Variants in RIPK2 observed in about 807,000 individuals in gnomAD.
RIPK2 encodes the protein receptor-interacting serine/threonine-protein kinase 2.
RIPK2 carries 38 observed loss-of-function variants against 60.9 expected under a neutral mutation model. The ratio of observed to expected loss-of-function variants is 0.62; its 90% CI spans 0.48 to 0.82. RIPK2 has a LOEUF of 0.82. Ranked by LOEUF, RIPK2 falls within the 40% of genes least tolerant of loss-of-function variation. RIPK2 has a pLI of 0.00. For missense variants in RIPK2, 518 were observed against 647.0 expected (o/e 0.80, Z 2.16); for synonymous variants, 225 against 223.4 (o/e 1.01, Z -0.06).
chr8:89,789,625 C>T lies in RIPK2; in HGVS notation c.1285+143C>T, dbSNP rs547606070. 1.1e-4 allele frequency: 80 copies of T among 747,444 alleles called. 1 individual carries two copies. The East Asian group carries it at 2.2e-3, about 20-fold the overall frequency. 46.3% of individuals were successfully genotyped at this position (747,444 alleles called of 1,614,324 possible). A position where few individuals can be genotyped will look rare whatever the true frequency, so the allele number is the denominator to read the frequency against. On this transcript the variant is annotated intron_variant, in intron 10 of 10. Transcript: ENST00000220751. The stretch of plus-strand genomic sequence containing the variant: ...CCTTCTTAAGTAGGAAAACAAATCC[C>T]AGGAGATGGGAATGATGACATGGCC...
At position 89,773,478 on chromosome 8, in the gene RIPK2, A is replaced by C. The variant is rs144522304; in HGVS notation, c.853+650A>C. Among the ~76,000 whole-genome samples the C allele has an allele frequency of 7.2e-5, 11 of 152,324 alleles. No individual in the cohort carries two copies. The East Asian group carries it at 2.1e-3, about 29-fold the overall frequency. ...AATACAGTGAGCAAGGAAAGGAATT[A>C]GATGATATTGGAGAGTTAAGAGAGA... On this transcript the variant is annotated intron_variant, in intron 6 of 10. Transcript: ENST00000220751.
In RIPK2 at chr8:89,758,207, G is replaced by A. The variant is rs1809082741; in HGVS notation, c.147G>A (p.Leu49=). Residue 49 remains leucine (L), a synonymous_variant, in exon 1 of 11, where the codon CTG becomes CTA. Coordinates refer to ENST00000220751, the MANE Select transcript of RIPK2 (RefSeq NM_003821.6). ...GCGTCCAGGTGGCCGTGAAGCACCT[G>A]CACATCCACACTCCGCTGCTCGACA... is the stretch of plus-strand genomic sequence containing the variant. ...DWRVQVAVKH[L]HIHTPLLDSE... is the part of the protein sequence containing the mutation. The A allele has an allele frequency of 3.1e-6, 5 of 1,609,494 alleles. No homozygotes were observed. The highest frequency in any genetic ancestry group is 1.1e-5 in the South Asian group (1 of 90,442).
chr8:89,768,068 A>G (rs1809256875), intron 3 of RIPK2, among the ~76,000 whole-genome samples: 1 of 151,656 alleles, frequency 6.6e-6, no homozygotes, highest in African/African-American at 2.4e-5. Context: ...GGCCCTAAAT[A>G]CTTAATAGTT....
chr8:89,790,036 C>T (rs1563620756), intron 10 of RIPK2, 43 bp from the exon 11 acceptor site: 3 of 1,375,488 alleles, frequency 2.2e-6, no homozygotes, highest in Non-Finnish European at 3.0e-6. Flanking sequence ...TGCTATGTAT[C>T]TGTCCTCACC....
chr8:89,770,174 A>T (rs2130556850), intron 4 of RIPK2, among the ~76,000 whole-genome samples: 1 of 152,004 alleles, frequency 6.6e-6, no homozygotes, highest in South Asian at 2.1e-4. Flanking sequence ...ATCAATTTAT[A>T]ATATAATAGT....
intron 1 of RIPK2, among the ~76,000 whole-genome samples, chr8:89,760,437 G>A (rs39500): frequency 0.66 from 99,996 of 152,052 alleles, 34,676 homozygotes; most frequent in African/African-American, 0.89. Context: ...ATGTGACTAT[G>A]GAAGCTGTAC....
chr8:89,770,731 T>C (rs756743924), intron 4 of RIPK2, among the ~76,000 whole-genome samples: 3 of 151,850 alleles, frequency 2.0e-5, no homozygotes, highest in Non-Finnish European at 4.4e-5. Flanking sequence ...ACCAGAAAAC[T>C]ATATATTTAA....
intron 9 of RIPK2, among the ~76,000 whole-genome samples, 157 bp downstream of exon 9, chr8:89,786,843 GA>G (rs1261687707): frequency 6.6e-6 from 1 of 151,674 alleles, no homozygotes; most frequent in Non-Finnish European, 1.5e-5. Context: ...ATAGTAGTGT[GA>G]TATTCAACAA....
intron 6 of RIPK2, among the ~76,000 whole-genome samples, chr8:89,778,988 T>C (rs768121331): frequency 2.6e-5 from 4 of 152,230 alleles, no homozygotes; most frequent in Non-Finnish European, 5.9e-5. Context: ...CTTTTAATTA[T>C]ATTTTAGTGA....
At chr8:89,762,111 C>A (rs1265685369) in intron 1 of RIPK2, among the ~76,000 whole-genome samples, 1 of 151,858 alleles carries the variant, frequency 6.6e-6, no homozygotes, top group African/African-American at 2.4e-5. Flanking sequence ...TGGCTTGAAT[C>A]CAGGAGTTTG....
intron 8 of RIPK2, among the ~76,000 whole-genome samples, chr8:89,785,175 G>A (rs1203730819): frequency 6.6e-6 from 1 of 152,160 alleles, no homozygotes; most frequent in East Asian, 1.9e-4. Context: ...ATAGGTCGCA[G>A]TCAAAACATT....
rs1809541787 is a variant in RIPK2 at position 89,783,987 on chromosome 8, T to C, written c.940-63T>C. ...ATATAAAATGTGTTAGATTGTATTT[T>C]ACTTCTATAATTTCCTAATCATCTC... On this transcript the variant is annotated intron_variant, in intron 7 of 10. Coordinates refer to ENST00000220751, the MANE Select transcript of RIPK2 (RefSeq NM_003821.6). 8 of 878,592 alleles carry C rather than the reference T, an allele frequency of 9.1e-6. No individual in the cohort carries two copies. The South Asian group carries it at 1.2e-4, about 14-fold the overall frequency. 54.4% of individuals were successfully genotyped at this position (878,592 alleles called of 1,614,324 possible).
intron 1 of RIPK2, among the ~76,000 whole-genome samples, chr8:89,762,057 G>A (rs1178295322): frequency 1.3e-5 from 2 of 151,920 alleles, no homozygotes; most frequent in Non-Finnish European, 1.5e-5. Flanking sequence ...ACGGTTGCAT[G>A]CCTGTGGAGC....
chr8:89,781,354 A>AT lies in RIPK2; in HGVS notation c.939+1216dup, dbSNP rs58525879. Among the ~76,000 whole-genome samples the AT allele has an allele frequency of 2.0e-3, 283 of 144,024 alleles. 5 individuals carry two copies. The South Asian group carries it at 0.028, about 14-fold the overall frequency. 94.5% of individuals were successfully genotyped at this position (144,024 alleles called of 152,430 possible). On this transcript the variant is annotated intron_variant, in intron 7 of 10. Coordinates refer to ENST00000220751, the MANE Select transcript of RIPK2 (RefSeq NM_003821.6). The stretch of plus-strand genomic sequence containing the variant: ...ATTTCTCTCTTCCTTAATAGATTGA[A>AT]TTTTTTTTTTTTTTTTTTTTTTAGT...
At chr8:89,788,814 G>T (rs936620906) in intron 9 of RIPK2, among the ~76,000 whole-genome samples, 2 of 151,690 alleles carry the variant, frequency 1.3e-5, no homozygotes, top group Admixed American at 1.3e-4. Flanking sequence ...GAGAGAGGGA[G>T]GGAGGGAGGC....
At position 89,784,142 on chromosome 8, in the gene RIPK2, A is replaced by ATT; in HGVS notation, c.1029+3_1029+4insTT. On this transcript the variant is annotated splice_donor_region_variant and intron_variant, in intron 8 of 10. Coordinates refer to ENST00000220751, the MANE Select transcript of RIPK2 (RefSeq NM_003821.6). ...CTGTAAATCATGGTCCACAAGAGGT[A>ATT]AAAAAAAAAAAAAAAAAAAAAAGGT... 2.3e-5 allele frequency: 1 copy of ATT among 42,634 alleles called. No homozygotes were observed. Among genetic ancestry groups the ATT allele is most frequent in the South Asian group, 2.1e-4 (1 of 4,760 alleles). 2.6% of individuals were successfully genotyped at this position (42,634 alleles called of 1,614,324 possible).
chr8:89,768,283 A>G (rs1809260860), intron 3 of RIPK2, among the ~76,000 whole-genome samples: 1 of 146,352 alleles, frequency 6.8e-6, no homozygotes, highest in South Asian at 2.2e-4. Flanking sequence ...GATTGGAGCA[A>G]TTGCTTCAGT....
chr8:89,787,414 G>A (rs1809605205), intron 9 of RIPK2, among the ~76,000 whole-genome samples: 1 of 152,268 alleles, frequency 6.6e-6, no homozygotes, highest in East Asian at 1.9e-4. Context: ...CACATAGCTA[G>A]TAGCTGGCAC....
intron 8 of RIPK2, among the ~76,000 whole-genome samples, chr8:89,785,342 G>A (rs935019296): frequency 6.6e-6 from 1 of 152,030 alleles, no homozygotes; most frequent in African/African-American, 2.4e-5. Context: ...GGGCATGGTG[G>A]CGCATGCCTG....
Sources: allele counts gnomAD v4.1 joint callset (sites outside exome capture counted in the v4.1 genomes callset), GRCh38; gene constraint gnomAD v4.1.1; transcripts MANE v1.5; gene names NCBI Gene and HGNC (gene_info 2026-07-23, HGNC 2026-07-21).